PTPRQ: variants seen among roughly 807,000 people sequenced by gnomAD.
The protein encoded by PTPRQ is phosphatidylinositol phosphatase PTPRQ.
A neutral mutation model predicts 246.0 loss-of-function variants in PTPRQ; 199 were observed. The observed-to-expected ratio is 0.81, with a 90% CI of 0.72 to 0.91. PTPRQ has a LOEUF of 0.91. PTPRQ is among the 40% of genes least tolerant of loss of function. The pLI, the probability that PTPRQ is intolerant of heterozygous loss-of-function variation, is 0.00. For missense variants in PTPRQ, 2,624 were observed against 2,528.4 expected (o/e 1.04, Z -0.81); for synonymous variants, 869 against 853.2 (o/e 1.02, Z -0.32).
chr12:80,549,761 C>T (rs1770294747), intron 25 of PTPRQ, 27 bp downstream of exon 25: 3 of 1,500,994 alleles, frequency 2.0e-6, no homozygotes, highest in Non-Finnish European at 9.0e-7. Flanking sequence ...AGGTAACTAA[C>T]ATGAAACCTT....
At chr12:80,461,958 G>A (rs559241517) in intron 6 of PTPRQ, 14 of 648,700 alleles carry the variant, frequency 2.2e-5, no homozygotes, top group South Asian at 6.6e-5. Context: ...GGTGATTTCC[G>A]CATTTTCATC....
At chr12:80,573,420 T>C (rs905567605) in intron 25 of PTPRQ, among the ~76,000 whole-genome samples, 2 of 151,112 alleles carry the variant, frequency 1.3e-5, no homozygotes, top group South Asian at 2.1e-4. Flanking sequence ...ACCCGGGAGG[T>C]GGAGCTTGCA....
intron 35 of PTPRQ, among the ~76,000 whole-genome samples, chr12:80,637,847 G>A (rs1437312872): frequency 6.6e-6 from 1 of 152,180 alleles, no homozygotes; most frequent in East Asian, 1.9e-4. Flanking sequence ...AAGTCAATCA[G>A]AGACTGATGG....
chr12:80,521,776 T>C (rs961385388), intron 17 of PTPRQ, among the ~76,000 whole-genome samples: 2 of 152,216 alleles, frequency 1.3e-5, no homozygotes, highest in African/African-American at 4.8e-5. Flanking sequence ...CCTTGTAGTA[T>C]AGTTTAAAGT....
At chr12:80,615,379 A>C (rs1480235470) in intron 29 of PTPRQ, among the ~76,000 whole-genome samples, 1 of 151,056 alleles carries the variant, frequency 6.6e-6, no homozygotes, top group Non-Finnish European at 1.5e-5. Context: ...CAAATTAAGT[A>C]ATTCCAATAA....
intron 17 of PTPRQ, among the ~76,000 whole-genome samples, chr12:80,526,426 T>A (rs1895688965): frequency 6.6e-6 from 1 of 152,136 alleles, no homozygotes; most frequent in Non-Finnish European, 1.5e-5. Flanking sequence ...GGGTATAGAA[T>A]TGGAAAGTGA....
At chr12:80,653,918 T>C (rs781074314) in intron 38 of PTPRQ, among the ~76,000 whole-genome samples, 50 of 152,218 alleles carry the variant, frequency 3.3e-4, no homozygotes, top group Admixed American at 1.8e-3. Flanking sequence ...CTAAATCCTT[T>C]CTGCAACAAA....
At chr12:80,484,367 C>T in intron 8 of PTPRQ, 66 bp from the exon 9 acceptor site, 1 of 1,481,932 alleles carries the variant, frequency 6.7e-7, no homozygotes, top group Non-Finnish European at 8.9e-7. Flanking sequence ...AATTTAGGCA[C>T]TTTTTTCACT....
intron 6 of PTPRQ, among the ~76,000 whole-genome samples, chr12:80,467,239 A>C (rs181259804): frequency 0.19 from 28,273 of 152,150 alleles, 2,826 homozygotes; most frequent in Middle Eastern, 0.22. Context: ...TTATGCAGCC[A>C]AAAAACACAT....
chr12:80,497,090 G>T (rs757862801), intron 14 of PTPRQ, among the ~76,000 whole-genome samples: 1 of 151,886 alleles, frequency 6.6e-6, no homozygotes, highest in African/African-American at 2.4e-5. Context: ...CCCTCCCTCC[G>T]GACTAGGGAG....
intron 25 of PTPRQ, among the ~76,000 whole-genome samples, chr12:80,568,412 A>G (rs770205389): frequency 2.0e-5 from 3 of 152,224 alleles, no homozygotes; most frequent in Non-Finnish European, 2.9e-5. Context: ...ATTGTCAAAT[A>G]TCAGCAAGAG....
intron 25 of PTPRQ, among the ~76,000 whole-genome samples, chr12:80,575,851 A>AG (rs1160792946): frequency 6.6e-5 from 10 of 151,172 alleles, no homozygotes; most frequent in African/African-American, 1.9e-4. Context: ...AAAAAAAAAA[A>AG]AAAAAAGAAA....
intron 28 of PTPRQ, among the ~76,000 whole-genome samples, chr12:80,612,360 A>G (rs1420051333): frequency 6.6e-6 from 1 of 150,462 alleles, no homozygotes; most frequent in African/African-American, 2.4e-5. Context: ...ATGAACAGAC[A>G]TTTCACCACA....
intron 17 of PTPRQ, chr12:80,525,810 G>A (rs374809475): frequency 6.6e-6 from 1 of 151,918 alleles, no homozygotes; most frequent in Non-Finnish European, 1.5e-5. Flanking sequence ...AAAACAATGG[G>A]AGTATACTAC....
intron 35 of PTPRQ, among the ~76,000 whole-genome samples, chr12:80,636,883 G>C (rs1023204686): frequency 6.6e-6 from 1 of 152,152 alleles, no homozygotes; most frequent in Non-Finnish European, 1.5e-5. Flanking sequence ...GCAGACTGTG[G>C]TGAGATTCAA....
At chr12:80,494,374 A>G (rs1894543633) in intron 10 of PTPRQ, among the ~76,000 whole-genome samples, 1 of 152,074 alleles carries the variant, frequency 6.6e-6, no homozygotes, top group South Asian at 2.1e-4. Context: ...TTATCCAAGC[A>G]TGCTTGCTTT....
intron 3 of PTPRQ, among the ~76,000 whole-genome samples, chr12:80,450,797 T>G (rs766631927): frequency 4.8e-4 from 73 of 152,320 alleles, no homozygotes; most frequent in Non-Finnish European, 7.9e-4. Flanking sequence ...TTACTGAGGA[T>G]TTTTGCATCG....
Position 80,481,855 on chromosome 12 carries a change from G to A in PTPRQ, c.1187-2578G>A, listed in dbSNP as rs905431418. ...ACGTCTTCAAGGAGAACTACAAACC[G>A]CTGCTCAATGAAATAAAAGAGGATA... On this transcript the variant is annotated intron_variant, in intron 8 of 44. Coordinates refer to ENST00000644991, the MANE Select transcript of PTPRQ (RefSeq NM_001145026.2). Among the ~76,000 whole-genome samples the A allele has an allele frequency of 2.0e-3, 298 of 151,926 alleles. 4 individuals are homozygous for A. Among genetic ancestry groups the A allele is most frequent in the Non-Finnish European group, 3.0e-3 (206 of 67,952 alleles).
chr12:80,523,338 G>A (rs1895570800), intron 17 of PTPRQ, among the ~76,000 whole-genome samples: 1 of 152,008 alleles, frequency 6.6e-6, no homozygotes, highest in African/African-American at 2.4e-5. Flanking sequence ...TGATTTTTTT[G>A]AAGGGTTTTT....
Sources: allele counts gnomAD v4.1 joint callset (sites outside exome capture counted in the v4.1 genomes callset), GRCh38; gene constraint gnomAD v4.1.1; transcripts MANE v1.5; gene names NCBI Gene and HGNC (gene_info 2026-07-23, HGNC 2026-07-21).